OTULIN: variants seen among roughly 807,000 people sequenced by gnomAD.
OTULIN encodes the protein OTU deubiquitinase with linear linkage specificity.
A neutral mutation model predicts 39.6 loss-of-function variants in OTULIN; 15 were observed. The ratio of observed to expected loss-of-function variants is 0.38; its 90% CI spans 0.25 to 0.58. The LOEUF is 0.58. Among genes scored for constraint, OTULIN ranks in the 20% least tolerant of loss-of-function variants. OTULIN has a pLI of 0.66. For synonymous variants in OTULIN, 156 were observed against 170.3 expected, an observed-to-expected ratio of 0.92 and a Z score of 0.65; for missense variants, 319 against 445.9, an observed-to-expected ratio of 0.72 and a Z score of 2.56.
chr5:14,664,771 G>A lies in OTULIN; in HGVS notation c.-55G>A. ...CGGCCACTGCCTGGCACCCCGACGG[G>A]AGGGGCTCCGGATCGTTCGGAGCCG... On this transcript the variant is annotated 5_prime_UTR_variant, in exon 1 of 7. Transcript: ENST00000284274. 1.8e-6 allele frequency: 2 copies of A among 1,127,542 alleles called. No individual in the cohort carries two copies. Among genetic ancestry groups the A allele is most frequent in the Non-Finnish European group, 2.2e-6 (2 of 920,430 alleles). 69.8% of individuals were successfully genotyped at this position (1,127,542 alleles called of 1,614,324 possible). A position where few individuals can be genotyped will look rare whatever the true frequency, so the allele number is the denominator to read the frequency against.
At chr5:14,712,921 C>T in the OTULIN span, 2 of 1,613,622 alleles carry the variant, frequency 1.2e-6, no homozygotes, top group Non-Finnish European at 1.7e-6. Flanking sequence ...ATGGTGGATT[C>T]TCCCACAAAG....
chr5:14,675,434 A>G (rs987823812), intron 2 of OTULIN, among the ~76,000 whole-genome samples: 2 of 152,222 alleles, frequency 1.3e-5, no homozygotes, highest in African/African-American at 2.4e-5. Flanking sequence ...TATTCTTTGT[A>G]GTGATGTGTG....
At position 14,690,034 on chromosome 5, in the gene OTULIN, T is replaced by C; in HGVS notation, c.595-5T>C. 1.2e-6 allele frequency: 2 copies of C among 1,607,460 alleles called. No individual in the cohort carries two copies. The highest frequency in any genetic ancestry group is 2.2e-5 in the South Asian group (2 of 90,530). ...TCTAATTATTACATAACTTTCTTAT[T>C]GTAGTGGGCAGGCTTGGCTGAAATG... is the stretch of plus-strand genomic sequence containing the variant. On this transcript the variant is annotated splice_polypyrimidine_tract_variant and splice_region_variant and intron_variant, in intron 5 of 6. Transcript: ENST00000284274. This position sits in a 1 kb window ranked among gnomAD's most constrained non-coding sequence, Gnocchi z 4.5.
chr5:14,692,152 T>C (rs1308263746), intron 6 of OTULIN, among the ~76,000 whole-genome samples: 2 of 152,250 alleles, frequency 1.3e-5, no homozygotes, highest in East Asian at 3.8e-4. Flanking sequence ...ACTGCCAGAC[T>C]GTTTGCAAAG....
At chr5:14,710,764 C>T in the OTULIN span, 26 of 195,690 alleles carry the variant, frequency 1.3e-4, no homozygotes, top group Admixed American at 7.0e-4. Flanking sequence ...CAAAGGAAGC[C>T]GAGTTTTAAC....
chr5:14,687,764 G>C, intron 5 of OTULIN, 118 bp downstream of exon 5: 1 of 1,309,654 alleles, frequency 7.6e-7, no homozygotes, highest in African/African-American at 1.5e-5. Flanking sequence ...CTGATTTTTA[G>C]GCAAAATGGT....
At chr5:14,667,207 A>G (rs1579957355) in intron 1 of OTULIN, among the ~76,000 whole-genome samples, 1 of 152,330 alleles carries the variant, frequency 6.6e-6, no homozygotes, top group East Asian at 1.9e-4. Context: ...CAGCTGAATT[A>G]GACATTCGGG....
chr5:14,687,797 C>A, intron 5 of OTULIN, 151 bp downstream of exon 5: 1 of 900,226 alleles, frequency 1.1e-6, no homozygotes, highest in Non-Finnish European at 1.6e-6. Context: ...CAAACTCTTC[C>A]CACGAGGGCT....
At position 14,690,994 on chromosome 5, in the gene OTULIN, T is replaced by C. The variant is rs1736511234; in HGVS notation, c.864+686T>C. Among the ~76,000 whole-genome samples, 3 of 152,178 alleles carry C rather than the reference T, an allele frequency of 2.0e-5. No homozygotes were observed. The highest frequency in any genetic ancestry group is 4.4e-5 in the Non-Finnish European group (3 of 68,020). ...ACTGTAGCTGCATTAAAAAGAGAAATGGAGTCACCTTAGCCAGTAGAGTTC... is the reference window on the plus strand; with the variant it reads ...ACTGTAGCTGCATTAAAAAGAGAAACGGAGTCACCTTAGCCAGTAGAGTTC... On this transcript the variant is annotated intron_variant, in intron 6 of 6. Coordinates refer to ENST00000284274, the MANE Select transcript of OTULIN (RefSeq NM_138348.6). This position sits in a 1 kb window ranked among gnomAD's most constrained non-coding sequence, Gnocchi z 4.5.
chr5:14,712,579 A>G, the OTULIN span, among the ~76,000 whole-genome samples: 1 of 152,266 alleles, frequency 6.6e-6, no homozygotes, highest in Non-Finnish European at 1.5e-5. Context: ...AGCAAGCCAT[A>G]GGCTGAATTT....
chr5:14,681,678 T>C, intron 4 of OTULIN, 71 bp downstream of exon 4: 1 of 1,497,654 alleles, frequency 6.7e-7, no homozygotes, highest in Non-Finnish European at 9.0e-7. Context: ...TCCCTTTCTG[T>C]CCATGCTACC....
In OTULIN at chr5:14,673,537, A is replaced by C. The variant is rs1736028870; in HGVS notation, c.153-105A>C. ...AGATTATCATCATGTAAAGTGAAAAAAGTTAAACCCTTAGTATATTATGCA... is the reference window on the plus strand; with the variant it reads ...AGATTATCATCATGTAAAGTGAAAACAGTTAAACCCTTAGTATATTATGCA... On this transcript the variant is annotated intron_variant, in intron 1 of 6. Coordinates refer to ENST00000284274, the MANE Select transcript of OTULIN (RefSeq NM_138348.6). 5 of 783,928 alleles carry C rather than the reference A, an allele frequency of 6.4e-6. No homozygotes were observed. In the African/African-American group the frequency reaches 8.9e-5, roughly 14 times the overall value. The allele number at this position is 783,928 out of a possible 1,614,324, so 48.6% of individuals were successfully genotyped here. A position where few individuals can be genotyped will look rare whatever the true frequency, so the allele number is the denominator to read the frequency against.
intron 1 of OTULIN, among the ~76,000 whole-genome samples, chr5:14,672,124 G>C (rs1735994167): frequency 6.6e-6 from 1 of 152,186 alleles, no homozygotes; most frequent in Admixed American, 6.5e-5. Flanking sequence ...GTGTTTGGCA[G>C]GGGGCAGGTC....
chr5:14,702,153 T>G (rs919203792), downstream of OTULIN, among the ~76,000 whole-genome samples: 1 of 152,092 alleles, frequency 6.6e-6, no homozygotes, highest in Admixed American at 6.5e-5. Context: ...CTGATGGCGC[T>G]TGGGGACTTG....
intron 1 of OTULIN, among the ~76,000 whole-genome samples, chr5:14,671,171 C>G (rs1020136677): frequency 3.9e-5 from 6 of 152,034 alleles, no homozygotes; most frequent in African/African-American, 1.4e-4. Flanking sequence ...TGGAGAGTTG[C>G]TTGTTTAGAG....
downstream of OTULIN, among the ~76,000 whole-genome samples, chr5:14,701,849 G>C (rs902348575): frequency 4.6e-5 from 7 of 152,166 alleles, no homozygotes; most frequent in Admixed American, 4.6e-4. Flanking sequence ...AAGCAGCCCA[G>C]TGCCTACAGT....
intron 2 of OTULIN, among the ~76,000 whole-genome samples, chr5:14,677,178 T>C (rs1244876163): frequency 6.6e-6 from 1 of 152,158 alleles, no homozygotes; most frequent in African/African-American, 2.4e-5. Context: ...ATTTAGGGCC[T>C]CTTTTGTGCT....
At chr5:14,680,924 G>C (rs1172699457) in intron 3 of OTULIN, among the ~76,000 whole-genome samples, 4 of 152,298 alleles carry the variant, frequency 2.6e-5, no homozygotes, top group African/African-American at 7.2e-5. Flanking sequence ...GCTGGGCTTG[G>C]TGGCACATAC....
At position 14,694,709 on chromosome 5, in the gene OTULIN, A is replaced by G. The variant is rs1170123898; in HGVS notation, c.*1661A>G. On this transcript the variant is annotated 3_prime_UTR_variant, in exon 7 of 7. Coordinates refer to ENST00000284274, the MANE Select transcript of OTULIN (RefSeq NM_138348.6). ...ACATTTTGCTAAATATTTATTGATT[A>G]GAGTGTTGAAATCAAATTCTGCTCT... 1.3e-5 allele frequency: 2 copies of G among 152,662 alleles called. No homozygotes were observed. The highest frequency in any genetic ancestry group is 2.9e-5 in the Non-Finnish European group (2 of 68,044). The allele number at this position is 152,662 out of a possible 1,614,324, so 9.5% of individuals were successfully genotyped here.
Sources: allele counts gnomAD v4.1 joint callset (sites outside exome capture counted in the v4.1 genomes callset), GRCh38; gene constraint gnomAD v4.1.1; non-coding constraint Gnocchi (gnomAD v3.1); transcripts MANE v1.5; gene names NCBI Gene and HGNC (gene_info 2026-07-23, HGNC 2026-07-21).